DACT1: variants seen among roughly 807,000 people sequenced by gnomAD.
DACT1 encodes the protein dapper homolog 1.
DACT1 carries 19 observed loss-of-function variants against 35.3 expected under a neutral mutation model. That is an observed-to-expected ratio of 0.54 (90% CI 0.38 to 0.79). The LOEUF (loss-of-function observed/expected upper bound fraction) is 0.79. DACT1 is among the 30% of genes least tolerant of loss of function. DACT1 has a pLI of 0.00. For synonymous variants in DACT1, 545 were observed against 466.7 expected (o/e 1.17, Z -2.16); for missense variants, 1,143 against 1,057.5 (o/e 1.08, Z -1.12).
At chr14:58,636,478 A>T (rs2047573188), upstream of DACT1, among the ~76,000 whole-genome samples, 2 of 152,118 alleles carry the variant, frequency 1.3e-5, no homozygotes, top group African/African-American at 4.8e-5. Flanking sequence ...ACACATAAAC[A>T]CCTACGTAGA....
In DACT1 at chr14:58,640,775, T is replaced by C. The variant is rs756729994; in HGVS notation, c.385T>C (p.Leu129=). 1.2e-6 allele frequency: 2 copies of C among 1,614,164 alleles called. No homozygotes were observed. Among genetic ancestry groups the C allele is most frequent in the East Asian group, 2.2e-5 (1 of 44,868 alleles). The change falls in exon 2 of 4, where the codon TTG becomes CTG. Residue 129 remains leucine, a synonymous_variant. Coordinates refer to ENST00000395153, the MANE Select transcript of DACT1 (RefSeq NM_001079520.2). ...AAGAGATGCTGGTTTGTTGAATCAG[T>C]TGCAAGAGCTTGACAAGCAGATAAG... The part of the protein sequence containing the change: ...RRRDAGLLNQ[L]QELDKQISDL...
chr14:58,642,602 T>C (rs1413502586), intron 3 of DACT1, among the ~76,000 whole-genome samples: 1 of 150,788 alleles, frequency 6.6e-6, no homozygotes, highest in African/African-American at 2.4e-5. Context: ...GCTGAGGCAA[T>C]AGAATCACTT....
intron 1 of DACT1, 67 bp downstream of exon 1, chr14:58,638,614 T>A (rs1239497218): frequency 1.9e-5 from 24 of 1,276,370 alleles, no homozygotes; most frequent in Non-Finnish European, 2.4e-5. Context: ...GCAGGTGGCC[T>A]GGGGCGGGCG....
At chr14:58,642,343 C>T (rs113723376) in intron 3 of DACT1, among the ~76,000 whole-genome samples, 28 of 152,134 alleles carry the variant, frequency 1.8e-4, no homozygotes, top group African/African-American at 5.1e-4. Context: ...AAAAATTAGC[C>T]GGGCATGGTG....
At chr14:58,640,896 T>A (rs370056169) in intron 2 of DACT1, 28 bp downstream of exon 2, 87 of 1,613,712 alleles carry the variant, frequency 5.4e-5, no homozygotes, top group Non-Finnish European at 6.4e-5. Context: ...AGGACAGAAT[T>A]CTGCACTCTT....
chr14:58,646,577 A>G lies in DACT1; in HGVS notation c.1843A>G (p.Arg615Gly), dbSNP rs990923990. 3 of 1,569,886 alleles carry G rather than the reference A, an allele frequency of 1.9e-6. No individual in the cohort carries two copies. Among genetic ancestry groups the G allele is most frequent in the Admixed American group, 1.9e-5 (1 of 52,136 alleles). The change falls in exon 4 of 4, where the codon AGG (arginine) becomes GGG (glycine). Residue 615 changes from arginine to glycine, a missense_variant. This residue lies in a region of DACT1 where 1,054 missense variants were observed against 958.8 expected (regional missense o/e 1.10). Coordinates refer to ENST00000395153, the MANE Select transcript of DACT1 (RefSeq NM_001079520.2). The stretch of plus-strand genomic sequence containing the variant: ...CGGCAGGCCCGCGGGCGGGGGCCAC[A>G]GGGCGGGGAGCAGGGCGCATGGCCA... ...VPGRPAGGGH[R>G]AGSRAHGHGR...
At chr14:58,634,412 T>A (rs931466428), upstream of DACT1, among the ~76,000 whole-genome samples, 2 of 152,234 alleles carry the variant, frequency 1.3e-5, no homozygotes, top group Non-Finnish European at 2.9e-5. Context: ...GATCTTTTGT[T>A]TCAATGTCTG....
At chr14:58,642,948 A>G (rs183353220) in intron 3 of DACT1, among the ~76,000 whole-genome samples, 1 of 152,332 alleles carries the variant, frequency 6.6e-6, no homozygotes, top group East Asian at 1.9e-4. Flanking sequence ...TGTGTCACAC[A>G]CTACTGGATG....
At chr14:58,636,132 C>A (rs1053092428), upstream of DACT1, among the ~76,000 whole-genome samples, 1 of 152,162 alleles carries the variant, frequency 6.6e-6, no homozygotes, top group African/African-American at 2.4e-5. Context: ...TAATATACAA[C>A]CTTGTTAATT....
upstream of DACT1, chr14:58,634,191 C>G (rs1417081313): frequency 6.6e-6 from 1 of 152,152 alleles, no homozygotes; most frequent in Non-Finnish European, 1.5e-5. Flanking sequence ...AAAAGGTAAC[C>G]TTTTCATGTA....
In DACT1 at chr14:58,643,414, T is replaced by G. The variant is rs549959017; in HGVS notation, c.634+1667T>G. On this transcript the variant is annotated intron_variant, in intron 3 of 3. Transcript: ENST00000395153. ...TTCTCCACTTGGGTATAAGCCTGAATTTTTGAGTCCAGGCAAGGCAAACAA... is the reference window on the plus strand; with the variant it reads ...TTCTCCACTTGGGTATAAGCCTGAAGTTTTGAGTCCAGGCAAGGCAAACAA... Among the ~76,000 whole-genome samples, 10 of 152,348 alleles carry G rather than the reference T, an allele frequency of 6.6e-5. No individual in the cohort carries two copies. In the East Asian group the frequency reaches 1.7e-3, roughly 26 times the overall value.
Position 58,638,258 on chromosome 14 carries a change from G to T in DACT1, c.56G>T (p.Arg19Leu), listed in dbSNP as rs867739237. ...AKELEPPAPA[R>L]GEQRTAEPEG... is the part of the protein sequence containing the mutation. ...GAGCTGGAGCCTCCGGCGCCGGCCC[G>T]AGGCGAGCAGCGCACGGCGGAGCCC... Residue 19 changes from arginine to leucine, a missense_variant, in exon 1 of 4, where the codon CGA becomes CTA. Arg to Leu is a moderately radical substitution (Grantham distance 102). This residue lies in a region of DACT1 where 85 missense variants were observed against 81.8 expected (regional missense o/e 1.04). Transcript: ENST00000395153. The T allele has an allele frequency of 7.3e-7, 1 of 1,367,334 alleles. No individual in the cohort carries two copies. Among genetic ancestry groups the T allele is most frequent in the Non-Finnish European group, 9.4e-7 (1 of 1,061,036 alleles). 84.7% of individuals were successfully genotyped at this position (1,367,334 alleles called of 1,614,324 possible).
Position 58,646,580 on chromosome 14 carries a change from G to A in DACT1, c.1846G>A (p.Ala616Thr), listed in dbSNP as rs1334398840. The A allele has an allele frequency of 6.3e-6, 10 of 1,576,850 alleles. No individual in the cohort carries two copies. Among genetic ancestry groups the A allele is most frequent in the Non-Finnish European group, 8.6e-6 (10 of 1,161,908 alleles). Residue 616 changes from alanine to threonine, a missense_variant, in exon 4 of 4, where the codon GCG becomes ACG. By Grantham distance (58) the Ala-to-Thr change is moderately conservative. Around this residue, in one of 3 missense-constraint regions of DACT1, gnomAD observed 1,054 missense variants for 958.8 expected, o/e 1.10. Coordinates refer to ENST00000395153, the MANE Select transcript of DACT1 (RefSeq NM_001079520.2). ...PGRPAGGGHRAGSRAHGHGRE... is the reference protein window; with the variant it reads ...PGRPAGGGHRTGSRAHGHGRE... ...CAGGCCCGCGGGCGGGGGCCACAGG[G>A]CGGGGAGCAGGGCGCATGGCCACGG...
Position 58,645,771 on chromosome 14 carries a change from G to T in DACT1, c.1037G>T (p.Gly346Val), listed in dbSNP as rs780606628. Residue 346 changes from glycine to valine, a missense_variant, in exon 4 of 4, where the codon GGT (glycine) becomes GTT (valine). Gly to Val is a moderately radical substitution (Grantham distance 109). This residue lies in a region of DACT1 where 1,054 missense variants were observed against 958.8 expected (regional missense o/e 1.10). Transcript: ENST00000395153. ...AGCGTTTGTGTCAGAGCCCCGGGCG[G>T]TGTCTCACAGGGCAACAGTGTGAAC... ...NGSVCVRAPG[G>V]VSQGNSVNLK... 7 of 1,614,268 alleles carry T rather than the reference G, an allele frequency of 4.3e-6. No homozygotes were observed. In the African/African-American group the frequency reaches 6.7e-5, roughly 15 times the overall value.
Position 58,646,380 on chromosome 14 carries a change from A to C in DACT1, c.1646A>C (p.His549Pro), listed in dbSNP as rs535229878. The C allele has an allele frequency of 6.2e-7, 1 of 1,603,436 alleles. No individual in the cohort carries two copies. The highest frequency in any genetic ancestry group is 2.2e-5 in the East Asian group (1 of 44,816). The stretch of plus-strand genomic sequence containing the variant: ...GTCGTGAAGAACTCCAGCCTGAAGC[A>C]CCGCGGCCCAGCCCTCCAGGGGCTG... ...MGVVKNSSLK[H>P]RGPALQGLEN... Residue 549 changes from histidine to proline, a missense_variant, in exon 4 of 4, where the codon CAC becomes CCC. Coordinates refer to ENST00000395153, the MANE Select transcript of DACT1 (RefSeq NM_001079520.2).
intron 1 of DACT1, chr14:58,639,057 G>A (rs915357918): frequency 6.4e-5 from 63 of 985,250 alleles, no homozygotes; most frequent in Non-Finnish European, 7.5e-5. Flanking sequence ...GTAGGGAGCC[G>A]TGCCTCTCCG....
rs777893829 is a variant in DACT1, at chr14:58,646,758, C to T, written c.2024C>T (p.Pro675Leu). Reference protein sequence around the residue: ...VGLYPAPVPLPYASPYAYVAS... With the variant: ...VGLYPAPVPLLYASPYAYVAS... ...CTGTACCCCGCGCCTGTGCCTCTGC[C>T]CTACGCCAGCCCCTACGCCTACGTG... Residue 675 changes from proline to leucine, a missense_variant, in exon 4 of 4, where the codon CCC (proline) becomes CTC (leucine). By Grantham distance (98) the Pro-to-Leu change is moderately conservative. Around this residue, in one of 3 missense-constraint regions of DACT1, gnomAD observed 1,054 missense variants for 958.8 expected, o/e 1.10. Transcript: ENST00000395153. 3 of 1,613,934 alleles carry T rather than the reference C, an allele frequency of 1.9e-6. No homozygotes were observed. Among genetic ancestry groups the T allele is most frequent in the South Asian group, 1.1e-5 (1 of 91,088 alleles).
upstream of DACT1, among the ~76,000 whole-genome samples, chr14:58,637,298 G>A (rs1358439014): frequency 6.6e-6 from 1 of 152,074 alleles, no homozygotes; most frequent in Non-Finnish European, 1.5e-5. Context: ...GCTATACAAC[G>A]ACATCCTCCT....
chr14:58,638,475 G>A lies in DACT1; in HGVS notation c.273G>A (p.Gly91=). 1 of 1,359,122 alleles carries A rather than the reference G, an allele frequency of 7.4e-7. No homozygotes were observed. Among genetic ancestry groups the A allele is most frequent in the Non-Finnish European group, 9.5e-7 (1 of 1,050,558 alleles). 84.2% of individuals were successfully genotyped at this position (1,359,122 alleles called of 1,614,324 possible). Reference sequence around the variant, plus strand: ...CGCCCCGCGCTGGGGAGCTACTGGGGGAGGCGGCGCAGCGCAGTCGCCTGG... The same window carrying A: ...CGCCCCGCGCTGGGGAGCTACTGGGAGAGGCGGCGCAGCGCAGTCGCCTGG... ...AAAPRAGELL[G]EAAQRSRLEE... is the part of the protein sequence containing the mutation. Residue 91 remains glycine (G), a synonymous_variant, in exon 1 of 4, where the codon GGG becomes GGA. Transcript: ENST00000395153.
Sources: allele counts gnomAD v4.1 joint callset (sites outside exome capture counted in the v4.1 genomes callset), GRCh38; gene constraint gnomAD v4.1.1; regional missense constraint gnomAD v4.1.1; transcripts MANE v1.5; gene names NCBI Gene and HGNC (gene_info 2026-07-23, HGNC 2026-07-21).